Variants in DYRK4 observed in about 807,000 individuals in gnomAD.
The protein encoded by DYRK4 is dual specificity tyrosine phosphorylation regulated kinase 4.
A neutral mutation model predicts 68.3 loss-of-function variants in DYRK4; 64 were observed. The observed-to-expected ratio is 0.94, with a 90% CI of 0.77 to 1.15. The LOEUF (loss-of-function observed/expected upper bound fraction) is 1.15, where lower values mean the gene tolerates loss of function less well. Among genes scored for constraint, DYRK4 ranks in the 50% most tolerant of loss-of-function variants. The probability of loss-of-function intolerance (pLI) is 0.00; values close to 1 mark genes in which losing one functional copy is unlikely to be tolerated. For missense variants in DYRK4, 740 were observed against 764.7 expected (o/e 0.97, Z 0.38); for synonymous variants, 274 against 289.9 (o/e 0.95, Z 0.56).
intron 2 of DYRK4, among the ~76,000 whole-genome samples, chr12:4,581,616 G>A (rs1944842998): frequency 6.6e-6 from 1 of 152,164 alleles, no homozygotes. Context: ...GGCTAGAACA[G>A]GGCAAGGATG....
chr12:4,578,338 C>T (rs1000828644), intron 2 of DYRK4, among the ~76,000 whole-genome samples: 2 of 141,492 alleles, frequency 1.4e-5, no homozygotes, highest in South Asian at 2.2e-4. Flanking sequence ...TTTCTTCAAA[C>T]CTGTCTTTTC....
intron 11 of DYRK4, among the ~76,000 whole-genome samples, chr12:4,605,740 T>TG (rs1945140999): frequency 7.3e-6 from 1 of 137,556 alleles, no homozygotes; most frequent in African/African-American, 3.0e-5. Context: ...TTTTTTTTTT[T>TG]TTTTTTTTTT....
intron 2 of DYRK4, among the ~76,000 whole-genome samples, chr12:4,570,294 G>A (rs1002704763): frequency 7.9e-5 from 12 of 151,952 alleles, no homozygotes; most frequent in African/African-American, 2.4e-4. Flanking sequence ...TGATTATGTC[G>A]TATTTTATAG....
chr12:4,576,863 CT>C (rs1231762386), intron 2 of DYRK4, among the ~76,000 whole-genome samples: 2 of 152,158 alleles, frequency 1.3e-5, no homozygotes, highest in African/African-American at 4.8e-5. Context: ...GGATTGCTTT[CT>C]TATTGTTGAA....
At chr12:4,576,951 G>C (rs1419309005) in intron 2 of DYRK4, among the ~76,000 whole-genome samples, 1 of 152,068 alleles carries the variant, frequency 6.6e-6, no homozygotes, top group Non-Finnish European at 1.5e-5. Context: ...ACCAGTCTAT[G>C]GTTTCTCTTT....
chr12:4,604,300 G>A lies in DYRK4; in HGVS notation c.1127-614G>A, dbSNP rs535561252. On this transcript the variant is annotated intron_variant, in intron 10 of 14. Coordinates refer to ENST00000543431, the MANE Select transcript of DYRK4 (RefSeq NM_001394779.1). ...ATTTTGTTTTAAATCACAGAATTAT[G>A]TTCTGACAATAACCAATTTAAACAA... 6.6e-5 allele frequency among the ~76,000 whole-genome samples: 10 copies of A among 152,274 alleles called. 1 individual carries two copies. The South Asian group carries it at 1.7e-3, about 25-fold the overall frequency.
At chr12:4,567,814 A>G in intron 1 of DYRK4, 141 bp from the exon 2 acceptor site, 1 of 669,946 alleles carries the variant, frequency 1.5e-6, no homozygotes, top group Non-Finnish European at 2.5e-6. Context: ...AGCAAGGGAG[A>G]AGCAGGGACC....
rs141423818 is a variant in DYRK4, at chr12:4,612,707, C to G, written c.1655C>G (p.Ser552Trp). The change falls in exon 14 of 15, where the codon TCG (serine) becomes TGG (tryptophan). Residue 552 changes from serine (S) to tryptophan (W), a missense_variant. Ser to Trp is a radical substitution (Grantham distance 177). Coordinates refer to ENST00000543431, the MANE Select transcript of DYRK4 (RefSeq NM_001394779.1). The stretch of plus-strand genomic sequence containing the variant: ...GACAAGGTTCAAGGCTGTCATCACT[C>G]GAGCAGAAAAGGTACAGCCTGTCAA... The part of the protein sequence containing the change: ...RKDKVQGCHH[S>W]SRKDEITKET... 1.2e-6 allele frequency: 2 copies of G among 1,614,092 alleles called. No homozygotes were observed. Among genetic ancestry groups the G allele is most frequent in the African/African-American group, 2.7e-5 (2 of 75,046 alleles).
Position 4,596,634 on chromosome 12 carries a change from C to T in DYRK4, c.810C>T (p.Leu270=). 3 of 1,614,118 alleles carry T rather than the reference C, an allele frequency of 1.9e-6. No individual in the cohort carries two copies. Among genetic ancestry groups the T allele is most frequent in the Non-Finnish European group, 2.5e-6 (3 of 1,180,014 alleles). ...ALMELKILEA[L]RKKDKDNTYN... Reference sequence around the variant, plus strand: ...TGGAGCTGAAGATCCTGGAAGCTCTCAGAAAGAAGGACAAAGACAACACCT... The same window carrying T: ...TGGAGCTGAAGATCCTGGAAGCTCTTAGAAAGAAGGACAAAGACAACACCT... Residue 270 remains leucine, a synonymous_variant, in exon 8 of 15, where the codon CTC becomes CTT. Coordinates refer to ENST00000543431, the MANE Select transcript of DYRK4 (RefSeq NM_001394779.1).
chr12:4,602,235 C>T (rs1352550235), intron 10 of DYRK4: 2 of 1,053,690 alleles, frequency 1.9e-6, no homozygotes, highest in East Asian at 2.6e-5. Context: ...GCTGAATTCT[C>T]CTCATTTCTA....
At chr12:4,581,431 G>A (rs1030879001) in intron 2 of DYRK4, among the ~76,000 whole-genome samples, 1 of 152,184 alleles carries the variant, frequency 6.6e-6, no homozygotes, top group Non-Finnish European at 1.5e-5. Context: ...GGAAGAAAGC[G>A]CTTCCTTTTC....
At position 4,598,906 on chromosome 12, in the gene DYRK4, C is replaced by T. The variant is rs978093232; in HGVS notation, c.906-122C>T. ...CTATAAGGGCATGAAAGCCTTGCCT[C>T]CTGGCCTGAGGCTTGCCTGCTACTA... On this transcript the variant is annotated intron_variant, in intron 8 of 14. Transcript: ENST00000543431. 7 of 1,142,276 alleles carry T rather than the reference C, an allele frequency of 6.1e-6. No individual in the cohort carries two copies. The African/African-American group carries it at 6.2e-5, about 10-fold the overall frequency. 70.8% of individuals were successfully genotyped at this position (1,142,276 alleles called of 1,614,324 possible).
chr12:4,579,013 A>G (rs990362332), intron 2 of DYRK4, among the ~76,000 whole-genome samples: 2 of 152,228 alleles, frequency 1.3e-5, no homozygotes, highest in Non-Finnish European at 2.9e-5. Context: ...GCAGTGGCTC[A>G]TGCCTGTAAT....
In DYRK4 at chr12:4,590,318, C is replaced by T; in HGVS notation, c.214-12C>T. 2 of 1,529,290 alleles carry T rather than the reference C, an allele frequency of 1.3e-6. No individual in the cohort carries two copies. The highest frequency in any genetic ancestry group is 8.7e-7 in the Non-Finnish European group (1 of 1,144,460). The allele number at this position is 1,529,290 out of a possible 1,614,324, so 94.7% of individuals were successfully genotyped here. A position where few individuals can be genotyped will look rare whatever the true frequency, so the allele number is the denominator to read the frequency against. On this transcript the variant is annotated splice_polypyrimidine_tract_variant and intron_variant, in intron 3 of 14. Coordinates refer to ENST00000543431, the MANE Select transcript of DYRK4 (RefSeq NM_001394779.1). ...AAGGCTTTTGTAACACATGCAATTT[C>T]TCCTTCTACAGAACACCAGTGTTAC...
chr12:4,611,143 G>A (rs1176067648), intron 13 of DYRK4, among the ~76,000 whole-genome samples: 1 of 152,164 alleles, frequency 6.6e-6, no homozygotes, highest in Admixed American at 6.5e-5. Flanking sequence ...TGGATGGAGT[G>A]ATGTTATCAA....
chr12:4,596,325 G>C (rs559629026), intron 7 of DYRK4, 40 bp downstream of exon 7: 1 of 1,612,194 alleles, frequency 6.2e-7, no homozygotes, highest in Non-Finnish European at 8.5e-7. Flanking sequence ...AGGAGGGACT[G>C]CGTGACTGTG....
chr12:4,588,343 T>G (rs1315083347), intron 2 of DYRK4, among the ~76,000 whole-genome samples: 1 of 152,212 alleles, frequency 6.6e-6, no homozygotes, highest in East Asian at 1.9e-4. Flanking sequence ...TCCATACCCA[T>G]TAGATAGCTC....
chr12:4,604,910 G>A lies in DYRK4; in HGVS notation c.1127-4G>A. The stretch of plus-strand genomic sequence containing the variant: ...ACGAGGTTTCTCTTACTTTGCCTCC[G>A]CAGTATACACGTACATCCAAAGCCG... On this transcript the variant is annotated splice_region_variant and splice_polypyrimidine_tract_variant and intron_variant, in intron 10 of 14. Transcript: ENST00000543431. 2 of 1,586,394 alleles carry A rather than the reference G, an allele frequency of 1.3e-6. No homozygotes were observed.
rs1408605523 is a variant in DYRK4 at position 4,591,236 on chromosome 12, C to T, written c.401C>T (p.Thr134Ile). 3.1e-6 allele frequency: 5 copies of T among 1,614,166 alleles called. No homozygotes were observed. In the East Asian group the frequency reaches 1.1e-4, roughly 36 times the overall value. Residue 134 changes from threonine to isoleucine, a missense_variant, in exon 5 of 15, where the codon ACC (threonine) becomes ATC (isoleucine). Thr to Ile is a moderately conservative substitution (Grantham distance 89). This residue lies in a region of DYRK4 where 56 missense variants were observed against 89.9 expected (regional missense o/e 0.62). Transcript: ENST00000543431. This position sits in a 1 kb window ranked among gnomAD's most constrained non-coding sequence, Gnocchi z 4.1. ...ATACCTTTCCACCCTAGCATTAAAACCCAGGATCCCAAGGCAGAGGAGAAG... is the reference window on the plus strand; with the variant it reads ...ATACCTTTCCACCCTAGCATTAAAATCCAGGATCCCAAGGCAGAGGAGAAG... ...SEIPFHPSIK[T>I]QDPKAEEKSP...
Sources: allele counts gnomAD v4.1 joint callset (sites outside exome capture counted in the v4.1 genomes callset), GRCh38; gene constraint gnomAD v4.1.1; regional missense constraint gnomAD v4.1.1; non-coding constraint Gnocchi (gnomAD v3.1); transcripts MANE v1.5; gene names NCBI Gene and HGNC (gene_info 2026-07-23, HGNC 2026-07-21).